WWOX: variants seen among roughly 807,000 people sequenced by gnomAD.
The protein encoded by WWOX is WW domain-containing oxidoreductase.
A neutral mutation model predicts 46.2 loss-of-function variants in WWOX; 69 were observed. The observed-to-expected ratio is 1.49, with a 90% CI of 1.23 to 1.82. WWOX has a LOEUF of 1.82. Ranked by LOEUF, WWOX falls within the 40% of genes most tolerant of loss-of-function variation. The pLI is 0.00. For missense variants in WWOX, 919 were observed against 542.6 expected (o/e 1.69, Z -6.89); for synonymous variants, 359 against 202.6 (o/e 1.77, Z -6.56).
chr16:78,602,379 C>A (rs756120460), intron 8 of WWOX, among the ~76,000 whole-genome samples: 1 of 152,092 alleles, frequency 6.6e-6, no homozygotes, highest in East Asian at 1.9e-4. Flanking sequence ...ACTAAAGGCA[C>A]GTGCCACCAC....
chr16:78,433,520 C>G (rs556500088), intron 8 of WWOX, among the ~76,000 whole-genome samples: 6 of 152,288 alleles, frequency 3.9e-5, no homozygotes, highest in African/African-American at 1.4e-4. Context: ...TTAGTGGACA[C>G]CAGTATTCCA....
At chr16:78,598,759 A>G (rs986024014) in intron 8 of WWOX, among the ~76,000 whole-genome samples, 1 of 152,160 alleles carries the variant, frequency 6.6e-6, no homozygotes, top group African/African-American at 2.4e-5. Flanking sequence ...CACTGGAGGC[A>G]TTTTTGTCTG....
Position 78,432,808 on chromosome 16 carries a change from A to T in WWOX, c.1056+56A>T, listed in dbSNP as rs532315167. 5.6e-6 allele frequency: 9 copies of T among 1,612,770 alleles called. No homozygotes were observed. In the East Asian group the frequency reaches 1.3e-4, roughly 24 times the overall value. On this transcript the variant is annotated intron_variant, in intron 8 of 8. Coordinates refer to ENST00000566780, the MANE Select transcript of WWOX (RefSeq NM_016373.4). ...CCTTGGGTCCTAGAGAAACCTGCAC[A>T]CTTGTGTCTCCACCTTTTTACCTCT...
At chr16:79,015,511 C>T (rs1050971427) in intron 8 of WWOX, among the ~76,000 whole-genome samples, 4 of 152,080 alleles carry the variant, frequency 2.6e-5, no homozygotes, top group African/African-American at 7.2e-5. Context: ...ATTTCTTTTC[C>T]TTCCAATGAG....
intron 8 of WWOX, among the ~76,000 whole-genome samples, chr16:79,068,979 A>G (rs1363271294): frequency 6.6e-6 from 1 of 152,158 alleles, no homozygotes; most frequent in African/African-American, 2.4e-5. Context: ...CACAGGCGTA[A>G]GATATGCATC....
chr16:78,917,883 T>C (rs753574705), intron 8 of WWOX, among the ~76,000 whole-genome samples: 1 of 152,156 alleles, frequency 6.6e-6, no homozygotes, highest in Non-Finnish European at 1.5e-5. Context: ...AGATCTTGTT[T>C]TTTAAAACAA....
At chr16:78,693,474 A>G (rs1394920990) in intron 8 of WWOX, among the ~76,000 whole-genome samples, 1 of 152,142 alleles carries the variant, frequency 6.6e-6, no homozygotes, top group Admixed American at 6.5e-5. Context: ...TTTTTTCCAC[A>G]TAATCCCTAA....
rs1491587303 is a variant in WWOX at position 78,261,788 on chromosome 16, C to CTAGATATATATATATA, written c.516+97501_516+97502insGATATATATATATATA. On this transcript the variant is annotated intron_variant, in intron 5 of 8. Transcript: ENST00000566780. ...TCTATCTATGTATCTATCTATCTAT[C>CTAGATATATATATATA]TATATATATATATATATATATATAT... Among the ~76,000 whole-genome samples the CTAGATATATATATATA allele has an allele frequency of 2.9e-3, 215 of 73,678 alleles. 5 individuals are homozygous for CTAGATATATATATATA. Among genetic ancestry groups the CTAGATATATATATATA allele is most frequent in the African/African-American group, 0.011 (194 of 17,390 alleles). 48.3% of individuals were successfully genotyped at this position (73,678 alleles called of 152,430 possible). A position where few individuals can be genotyped will look rare whatever the true frequency, so the allele number is the denominator to read the frequency against.
intron 8 of WWOX, among the ~76,000 whole-genome samples, chr16:78,781,339 G>C (rs1016213363): frequency 1.3e-5 from 2 of 152,164 alleles, no homozygotes; most frequent in African/African-American, 4.8e-5. Context: ...AGCTGTGTTT[G>C]AGATCTCAGA....
chr16:79,033,389 CTA>C (rs1327961434), intron 8 of WWOX, among the ~76,000 whole-genome samples: 1 of 149,418 alleles, frequency 6.7e-6, no homozygotes, highest in African/African-American at 2.5e-5. Flanking sequence ...AATATAGACT[CTA>C]ATAATTATTT....
intron 8 of WWOX, among the ~76,000 whole-genome samples, chr16:78,958,175 C>T (rs1322998484): frequency 6.6e-6 from 1 of 152,180 alleles, no homozygotes; most frequent in East Asian, 1.9e-4. Flanking sequence ...CCATTTGGTC[C>T]TTTTAAGACC....
At chr16:79,155,381 A>C (rs1452720980) in intron 8 of WWOX, among the ~76,000 whole-genome samples, 1 of 152,042 alleles carries the variant, frequency 6.6e-6, no homozygotes, top group Non-Finnish European at 1.5e-5. Flanking sequence ...TTTCAACAAC[A>C]ACAACAAAAA....
At chr16:78,331,304 G>A (rs570159800) in intron 5 of WWOX, among the ~76,000 whole-genome samples, 11 of 152,272 alleles carry the variant, frequency 7.2e-5, no homozygotes, top group Non-Finnish European at 1.5e-4. Context: ...TGATAGTTAA[G>A]GATGAAGGTA....
intron 8 of WWOX, among the ~76,000 whole-genome samples, chr16:78,786,109 C>T (rs1232717896): frequency 1.3e-5 from 2 of 152,108 alleles, no homozygotes; most frequent in Non-Finnish European, 2.9e-5. Flanking sequence ...GAGATTTTCC[C>T]GTGTTGGCCA....
chr16:79,207,898 C>G (rs2051572621), intron 8 of WWOX, among the ~76,000 whole-genome samples: 1 of 152,024 alleles, frequency 6.6e-6, no homozygotes, highest in Non-Finnish European at 1.5e-5. Flanking sequence ...TGATGGCTAG[C>G]AGTTATCAAA....
chr16:78,424,802 G>T, intron 6 of WWOX, 68 bp from the exon 7 acceptor site: 1 of 1,577,562 alleles, frequency 6.3e-7, no homozygotes. Context: ...GTGGATTCCC[G>T]AAGGAGCATG....
chr16:78,946,410 T>TG (rs2045949431), intron 8 of WWOX, among the ~76,000 whole-genome samples: 1 of 152,108 alleles, frequency 6.6e-6, no homozygotes, highest in African/African-American at 2.4e-5. Context: ...AGGCTGGTCT[T>TG]GAACTCCTGA....
intron 8 of WWOX, among the ~76,000 whole-genome samples, chr16:78,510,352 C>A (rs563674850): frequency 6.6e-6 from 1 of 152,202 alleles, no homozygotes; most frequent in Admixed American, 6.5e-5. Context: ...ATTATAGACA[C>A]CCACCACCAT....
intron 8 of WWOX, among the ~76,000 whole-genome samples, chr16:78,795,154 T>C (rs1175584861): frequency 6.6e-6 from 1 of 152,200 alleles, no homozygotes; most frequent in African/African-American, 2.4e-5. Flanking sequence ...AAGAATGTCT[T>C]ACATTTATAG....
Sources: gnomAD v4.1 joint callset for allele counts (sites outside exome capture counted in the v4.1 genomes callset) on GRCh38, gnomAD v4.1.1 for gene constraint, MANE v1.5 for transcripts, NCBI Gene and HGNC (gene_info 2026-07-23, HGNC 2026-07-21) for gene names.